The following AGTPBP1 variants were observed in gnomAD, a reference collection of about 807,000 sequenced individuals.
AGTPBP1 encodes cytosolic carboxypeptidase 1.
Under a neutral mutation model 143.9 loss-of-function variants are expected in AGTPBP1, and 70 were observed. That is an observed-to-expected ratio of 0.49 (90% confidence interval 0.40 to 0.59). The LOEUF (loss-of-function observed/expected upper bound fraction) is 0.59. Among genes scored for constraint, AGTPBP1 ranks in the 20% least tolerant of loss-of-function variants. AGTPBP1 has a pLI of 0.00. For missense variants in AGTPBP1, 1,229 were observed against 1,464.5 expected, an observed-to-expected ratio of 0.84 and a Z score of 2.62; for synonymous variants, 463 against 500.2, an observed-to-expected ratio of 0.93 and a Z score of 0.99.
chr9:85,629,713 T>C (rs933785740), intron 14 of AGTPBP1, among the ~76,000 whole-genome samples: 7 of 152,210 alleles, frequency 4.6e-5, no homozygotes, highest in African/African-American at 7.2e-5. Context: ...TACATATTGA[T>C]ATATACAATC....
intron 17 of AGTPBP1, among the ~76,000 whole-genome samples, chr9:85,600,688 A>G (rs561294010): frequency 6.6e-6 from 1 of 152,226 alleles, no homozygotes; most frequent in East Asian, 1.9e-4. Context: ...AGACTAACAC[A>G]GGGAGCTGCT....
At chr9:85,556,146 A>G (rs1418913005) in intron 25 of AGTPBP1, among the ~76,000 whole-genome samples, 2 of 152,200 alleles carry the variant, frequency 1.3e-5, no homozygotes, top group African/African-American at 2.4e-5. Flanking sequence ...TTTAAAAAAT[A>G]CTACTAATAA....
intron 25 of AGTPBP1, among the ~76,000 whole-genome samples, chr9:85,559,739 T>C (rs1033031448): frequency 2.0e-5 from 3 of 152,180 alleles, no homozygotes; most frequent in African/African-American, 7.2e-5. Flanking sequence ...CACCCACCAG[T>C]GTCATGACAG....
At chr9:85,647,782 A>G (rs568557943) in intron 11 of AGTPBP1, among the ~76,000 whole-genome samples, 3 of 152,348 alleles carry the variant, frequency 2.0e-5, no homozygotes, top group Admixed American at 6.5e-5. Flanking sequence ...TACTAAAATA[A>G]GGAAGTGAAA....
chr9:85,551,767 T>C (rs1826051615), intron 25 of AGTPBP1, among the ~76,000 whole-genome samples: 1 of 152,228 alleles, frequency 6.6e-6, no homozygotes, highest in Non-Finnish European at 1.5e-5. Flanking sequence ...TCATAGACAT[T>C]ATTTCCTATG....
chr9:85,800,621 T>C, the AGTPBP1 span, among the ~76,000 whole-genome samples: 2 of 152,234 alleles, frequency 1.3e-5, no homozygotes, highest in African/African-American at 2.4e-5. Flanking sequence ...GTATGTTCAA[T>C]GCACTATGCT....
At chr9:85,605,173 A>G (rs1384652921) in intron 17 of AGTPBP1, among the ~76,000 whole-genome samples, 1 of 152,172 alleles carries the variant, frequency 6.6e-6, no homozygotes, top group Non-Finnish European at 1.5e-5. Flanking sequence ...CCCCAAGACT[A>G]CTTCCAGCCA....
chr9:85,766,747 A>G, the AGTPBP1 span, among the ~76,000 whole-genome samples: 2 of 152,128 alleles, frequency 1.3e-5, no homozygotes, highest in South Asian at 4.1e-4. Context: ...TTTTAAAGCC[A>G]AGGTTAATAT....
chr9:85,639,379 A>G (rs931066071), intron 13 of AGTPBP1, among the ~76,000 whole-genome samples: 9 of 151,940 alleles, frequency 5.9e-5, no homozygotes, highest in South Asian at 4.1e-4. Flanking sequence ...ACACACACAC[A>G]CACACACACA....
chr9:85,694,624 T>C (rs1041833821), intron 2 of AGTPBP1, among the ~76,000 whole-genome samples: 2 of 152,178 alleles, frequency 1.3e-5, no homozygotes, highest in Admixed American at 1.3e-4. Flanking sequence ...TGCCCCTTCT[T>C]TGAGATCCCC....
chr9:85,672,962 T>C (rs1167741475), intron 6 of AGTPBP1, among the ~76,000 whole-genome samples: 1 of 152,092 alleles, frequency 6.6e-6, no homozygotes, highest in Non-Finnish European at 1.5e-5. Flanking sequence ...CTGAAACTCC[T>C]GACCTCAAGT....
chr9:85,552,686 A>C (rs1252839388), intron 25 of AGTPBP1, among the ~76,000 whole-genome samples: 1 of 152,242 alleles, frequency 6.6e-6, no homozygotes, highest in Admixed American at 6.5e-5. Flanking sequence ...TTGTTAAAGA[A>C]AACAGTAAAT....
intron 13 of AGTPBP1, among the ~76,000 whole-genome samples, chr9:85,642,451 C>T (rs1587810860): frequency 6.6e-6 from 1 of 152,026 alleles, no homozygotes; most frequent in African/African-American, 2.4e-5. Context: ...GCCTCAGCCT[C>T]CCAAGTAACT....
the AGTPBP1 span, among the ~76,000 whole-genome samples, chr9:85,762,750 C>A: frequency 2.0e-5 from 3 of 148,430 alleles, no homozygotes; most frequent in African/African-American, 7.5e-5. Context: ...TGCACATGTA[C>A]CCTAGAACTT....
intron 17 of AGTPBP1, among the ~76,000 whole-genome samples, chr9:85,606,749 G>T (rs1830012432): frequency 6.6e-6 from 1 of 152,012 alleles, no homozygotes; most frequent in Non-Finnish European, 1.5e-5. Flanking sequence ...GTCCTTTGCA[G>T]CAACATGGAT....
chr9:85,797,916 G>A, the AGTPBP1 span, among the ~76,000 whole-genome samples: 14 of 151,822 alleles, frequency 9.2e-5, no homozygotes, highest in South Asian at 2.1e-4. Context: ...TTTTTGAGAC[G>A]GACTCTCACT....
chr9:85,705,224 AAAAAC>A (rs1836906009), intron 2 of AGTPBP1, among the ~76,000 whole-genome samples: 1 of 151,994 alleles, frequency 6.6e-6, no homozygotes, highest in South Asian at 2.1e-4. Context: ...CATTAAAAAA[AAAAAC>A]AAAAAACCTA....
intron 17 of AGTPBP1, among the ~76,000 whole-genome samples, chr9:85,614,154 A>C (rs62566928): frequency 0.016 from 2,465 of 152,188 alleles, 29 homozygotes; most frequent in Middle Eastern, 0.054. Flanking sequence ...TTAAAATAAA[A>C]TACAAGGATG....
At chr9:85,785,321 G>A in the AGTPBP1 span, among the ~76,000 whole-genome samples, 3 of 151,650 alleles carry the variant, frequency 2.0e-5, no homozygotes, top group Non-Finnish European at 2.9e-5. Context: ...GCGACAGAGC[G>A]AGACTCCGTC....
Sources: allele counts gnomAD v4.1 joint callset (sites outside exome capture counted in the v4.1 genomes callset), GRCh38; gene constraint gnomAD v4.1.1; transcripts MANE v1.5; gene names NCBI Gene and HGNC (gene_info 2026-07-23, HGNC 2026-07-21).